The following XKR9 variants were observed in gnomAD, a reference collection of about 807,000 sequenced individuals.
XKR9 encodes the protein XK-related protein 9.
Under a neutral mutation model 32.0 loss-of-function variants are expected in XKR9, and 32 were observed. The ratio of observed to expected loss-of-function variants is 1.00; its 90% CI spans 0.76 to 1.34. XKR9 has a LOEUF of 1.34. Ranked by LOEUF, XKR9 falls within the 40% of genes most tolerant of loss-of-function variation. XKR9 has a pLI of 0.00. For synonymous variants in XKR9, 168 were observed against 143.4 expected (o/e 1.17, Z -1.22); for missense variants, 546 against 429.7 (o/e 1.27, Z -2.39).
chr8:70,755,151 T>G (rs1430184442), intron 2 of XKR9, among the ~76,000 whole-genome samples: 1 of 152,086 alleles, frequency 6.6e-6, no homozygotes, highest in Admixed American at 6.6e-5. Context: ...AAAAGACACA[T>G]GAAAAAATGC....
In XKR9 at chr8:70,774,920, C is replaced by G. The variant is rs375101575; in HGVS notation, n.353-14419C>G. 3.9e-5 allele frequency among the ~76,000 whole-genome samples: 6 copies of G among 152,026 alleles called. No individual in the cohort carries two copies. The East Asian group carries it at 9.6e-4, about 24-fold the overall frequency. On this transcript the variant is annotated intron_variant and non_coding_transcript_variant, in intron 2 of 3. Transcript: ENST00000520273. ...TCAAGTTTTTACCTTTTAGAAAAAA[C>G]CTGATAGAATTTTGATTAGGACTGT... is the stretch of plus-strand genomic sequence containing the variant.
chr8:70,825,815 A>G, the XKR9 span, among the ~76,000 whole-genome samples: 1 of 152,204 alleles, frequency 6.6e-6, no homozygotes. Flanking sequence ...TGTGGGATCT[A>G]TGGACACGGA....
At chr8:70,848,895 G>A in the XKR9 span, among the ~76,000 whole-genome samples, 1 of 151,896 alleles carries the variant, frequency 6.6e-6, no homozygotes, top group Non-Finnish European at 1.5e-5. Flanking sequence ...AACGAGAAAA[G>A]CTATCTATCC....
chr8:70,709,370 C>G (rs532360932), intron 4 of XKR9, among the ~76,000 whole-genome samples: 1 of 152,240 alleles, frequency 6.6e-6, no homozygotes, highest in East Asian at 1.9e-4. Flanking sequence ...AAGCTGGAAG[C>G]ATTCCTTTTG....
chr8:70,694,461 C>T (rs1805191188), intron 3 of XKR9, among the ~76,000 whole-genome samples: 1 of 152,052 alleles, frequency 6.6e-6, no homozygotes, highest in Non-Finnish European at 1.5e-5. Context: ...TGGCTGGAGG[C>T]CCTGGTTGGG....
chr8:70,906,166 G>A, the XKR9 span, among the ~76,000 whole-genome samples: 1 of 152,178 alleles, frequency 6.6e-6, no homozygotes, highest in Non-Finnish European at 1.5e-5. Flanking sequence ...TGTCAGACAG[G>A]GGCGTTTAAG....
intron 4 of XKR9, among the ~76,000 whole-genome samples, chr8:70,722,895 T>C (rs1423874810): frequency 6.6e-6 from 1 of 152,124 alleles, no homozygotes; most frequent in Non-Finnish European, 1.5e-5. Context: ...TTTTTTTTTT[T>C]ACTTTGCTTC....
At chr8:70,683,790 A>C (rs368477858) in intron 3 of XKR9, among the ~76,000 whole-genome samples, 2 of 152,224 alleles carry the variant, frequency 1.3e-5, no homozygotes, top group African/African-American at 4.8e-5. Context: ...GTTCGGCCCT[A>C]GAATTACTTT....
At chr8:70,796,569 A>C in the XKR9 span, among the ~76,000 whole-genome samples, 1 of 151,902 alleles carries the variant, frequency 6.6e-6, no homozygotes, top group Non-Finnish European at 1.5e-5. Flanking sequence ...AATTAACTTC[A>C]GCTCTGTTTT....
At chr8:70,799,049 T>C in the XKR9 span, among the ~76,000 whole-genome samples, 3 of 152,190 alleles carry the variant, frequency 2.0e-5, no homozygotes, top group Non-Finnish European at 4.4e-5. Context: ...TTTGGTCTCA[T>C]ATAAATTTTA....
the XKR9 span, among the ~76,000 whole-genome samples, chr8:70,932,659 G>A: frequency 1.3e-5 from 2 of 152,146 alleles, no homozygotes; most frequent in Admixed American, 1.3e-4. Context: ...GGTTTCTCCC[G>A]AGGCCCTTCT....
chr8:70,675,304 T>C (rs1475309229), intron 2 of XKR9, among the ~76,000 whole-genome samples: 11 of 152,178 alleles, frequency 7.2e-5, no homozygotes, highest in Admixed American at 7.2e-4. Context: ...TGTGCACCTG[T>C]AGTCCCAGCT....
At chr8:70,958,353 A>AC in the XKR9 span, among the ~76,000 whole-genome samples, 1 of 151,966 alleles carries the variant, frequency 6.6e-6, no homozygotes, top group African/African-American at 2.4e-5. Context: ...CCACAACCTC[A>AC]CCAGCATCTG....
chr8:70,871,941 A>T, the XKR9 span, among the ~76,000 whole-genome samples: 3 of 152,204 alleles, frequency 2.0e-5, no homozygotes, highest in African/African-American at 7.2e-5. Context: ...ATAAATTTAC[A>T]ACTAGAAAGT....
chr8:71,046,661 G>A, the XKR9 span, among the ~76,000 whole-genome samples: 1 of 152,268 alleles, frequency 6.6e-6, no homozygotes, highest in East Asian at 1.9e-4. Context: ...TTACCTGTAT[G>A]GTTTTTTCTT....
the XKR9 span, among the ~76,000 whole-genome samples, chr8:70,983,887 G>A: frequency 1.5e-4 from 23 of 150,020 alleles, no homozygotes; most frequent in East Asian, 3.9e-4. Flanking sequence ...TATTTAAGTC[G>A]AAGCGAATGT....
chr8:70,986,135 C>A, the XKR9 span, among the ~76,000 whole-genome samples: 2 of 151,994 alleles, frequency 1.3e-5, no homozygotes, highest in South Asian at 2.1e-4. Flanking sequence ...AATAGGGCGA[C>A]AATATGAAGA....
the XKR9 span, among the ~76,000 whole-genome samples, chr8:70,813,694 T>A: frequency 3.3e-5 from 5 of 152,106 alleles, no homozygotes; most frequent in African/African-American, 1.2e-4. Context: ...ATGAAAAAAT[T>A]CTCTTCATCA....
At chr8:71,031,962 C>T in the XKR9 span, among the ~76,000 whole-genome samples, 102 of 152,206 alleles carry the variant, frequency 6.7e-4, no homozygotes, top group Middle Eastern at 3.4e-3. Flanking sequence ...TTCTCATGAC[C>T]ACAATACCTC....
Sources: allele counts gnomAD v4.1 joint callset (sites outside exome capture counted in the v4.1 genomes callset), GRCh38; gene constraint gnomAD v4.1.1; transcripts MANE v1.5; gene names NCBI Gene and HGNC (gene_info 2026-07-23, HGNC 2026-07-21).